The following CBX5 variants were observed in gnomAD, a reference collection of about 807,000 sequenced individuals.
CBX5 encodes the protein chromobox 5, also known as chromobox protein homolog 5.
Under a neutral mutation model 20.7 loss-of-function variants are expected in CBX5, and 7 were observed. The ratio of observed to expected loss-of-function variants is 0.34; its 90% CI spans 0.19 to 0.63. The LOEUF is 0.63. CBX5 is among the 30% of genes least tolerant of loss of function. CBX5 has a pLI of 0.75. For synonymous variants in CBX5, 78 were observed against 77.0 expected, an observed-to-expected ratio of 1.01 and a Z score of -0.07; for missense variants, 110 against 224.1, an observed-to-expected ratio of 0.49 and a Z score of 3.25.
At chr12:54,262,677 G>A (rs1592161555) in intron 1 of CBX5, 1 of 152,680 alleles carries the variant, frequency 6.5e-6, no homozygotes, top group African/African-American at 2.4e-5. Context: ...TTCTCTTTTA[G>A]ACAGTGTGAC....
intron 1 of CBX5, among the ~76,000 whole-genome samples, chr12:54,269,284 G>A (rs116338672): frequency 0.018 from 2,752 of 152,170 alleles, 85 homozygotes; most frequent in African/African-American, 0.063. Flanking sequence ...ATAAATAACT[G>A]TTTTAAGCGT....
chr12:54,245,936 C>T (rs192848128), intron 4 of CBX5, among the ~76,000 whole-genome samples, 179 bp downstream of exon 4: 1 of 152,174 alleles, frequency 6.6e-6, no homozygotes, highest in Non-Finnish European at 1.5e-5. Context: ...TGAGTGAGAT[C>T]GCACCACTGT....
intron 3 of CBX5, 114 bp downstream of exon 3, chr12:54,251,927 T>C: frequency 1.1e-6 from 1 of 878,144 alleles, no homozygotes; most frequent in Non-Finnish European, 1.6e-6. Flanking sequence ...TTCAACAATT[T>C]ACCTTATAGG....
In CBX5 at chr12:54,239,855, G is replaced by A. The variant is rs998588869; in HGVS notation, c.*1900C>T. On this transcript the variant is annotated 3_prime_UTR_variant, in exon 5 of 5. Transcript: ENST00000209875. ...TTGACATAATTTATATAAGCACACA[G>A]AATTCAATCAGCAGCTGAGCAGGGA... 6 of 152,198 alleles carry A rather than the reference G, an allele frequency of 3.9e-5. No homozygotes were observed. The highest frequency in any genetic ancestry group is 5.9e-5 in the Non-Finnish European group (4 of 68,038). 9.4% of individuals were successfully genotyped at this position (152,198 alleles called of 1,614,324 possible).
At chr12:54,276,211 A>G (rs1290933103) in intron 1 of CBX5, among the ~76,000 whole-genome samples, 1 of 152,168 alleles carries the variant, frequency 6.6e-6, no homozygotes, top group Admixed American at 6.6e-5. Context: ...CTGTTTACAT[A>G]GATACTCCTT....
At chr12:54,253,661 G>A (rs1268428155) in intron 2 of CBX5, among the ~76,000 whole-genome samples, 2 of 144,046 alleles carry the variant, frequency 1.4e-5, no homozygotes, top group Non-Finnish European at 3.0e-5. Flanking sequence ...CCAGAAGGTT[G>A]AGGCTGCAGT....
At chr12:54,242,473 T>C (rs1943687551) in intron 4 of CBX5, among the ~76,000 whole-genome samples, 1 of 141,226 alleles carries the variant, frequency 7.1e-6, no homozygotes, top group Non-Finnish European at 1.5e-5. Flanking sequence ...TGCAGTGAGC[T>C]GAGATCGCGC....
At chr12:54,249,799 C>A (rs535575531) in intron 3 of CBX5, among the ~76,000 whole-genome samples, 37 of 152,196 alleles carry the variant, frequency 2.4e-4, no homozygotes, top group African/African-American at 8.2e-4. Context: ...GCAACTAAAT[C>A]AAACCAAAAT....
At chr12:54,266,657 A>T (rs1370221711) in intron 1 of CBX5, among the ~76,000 whole-genome samples, 1 of 152,198 alleles carries the variant, frequency 6.6e-6, no homozygotes, top group Non-Finnish European at 1.5e-5. Flanking sequence ...CTGATTACCA[A>T]TATATTACAA....
chr12:54,278,771 C>T (rs976084071), intron 1 of CBX5: 1 of 152,158 alleles, frequency 6.6e-6, no homozygotes, highest in Non-Finnish European at 1.5e-5. Flanking sequence ...ATCTTCTGTC[C>T]CCAGAACCCT....
At chr12:54,271,049 C>A (rs1944004511) in intron 1 of CBX5, among the ~76,000 whole-genome samples, 1 of 152,138 alleles carries the variant, frequency 6.6e-6, no homozygotes, top group Admixed American at 6.5e-5. Flanking sequence ...GAACAAGACC[C>A]CGTTTAAATT....
At chr12:54,257,340 C>T (rs1303826815) in intron 2 of CBX5, among the ~76,000 whole-genome samples, 174 bp downstream of exon 2, 3 of 152,158 alleles carry the variant, frequency 2.0e-5, no homozygotes, top group South Asian at 2.1e-4. Context: ...ATCATTAGAA[C>T]GTAAGCTCCA....
At chr12:54,270,212 C>T (rs1053608416) in intron 1 of CBX5, among the ~76,000 whole-genome samples, 1 of 152,096 alleles carries the variant, frequency 6.6e-6, no homozygotes, top group African/African-American at 2.4e-5. Context: ...CTGTCAGTGA[C>T]CTGCTTTTGT....
intron 3 of CBX5, among the ~76,000 whole-genome samples, chr12:54,246,459 G>A (rs1943736796): frequency 6.6e-6 from 1 of 152,076 alleles, no homozygotes; most frequent in African/African-American, 2.4e-5. Context: ...GACTGGTGGT[G>A]AACCCTAAAA....
chr12:54,244,307 C>T (rs1367787675), intron 4 of CBX5, among the ~76,000 whole-genome samples: 4 of 151,752 alleles, frequency 2.6e-5, no homozygotes, highest in African/African-American at 7.3e-5. Flanking sequence ...CCACCACGCC[C>T]GGCCTTGATT....
At position 54,231,113 on chromosome 12, in the gene CBX5, C is replaced by A. The variant is rs895462362; in HGVS notation, c.*10642G>T. 2.0e-5 allele frequency: 3 copies of A among 152,020 alleles called. No homozygotes were observed. Among genetic ancestry groups the A allele is most frequent in the African/African-American group, 4.8e-5 (2 of 41,368 alleles). 9.4% of individuals were successfully genotyped at this position (152,020 alleles called of 1,614,324 possible). A position where few individuals can be genotyped will look rare whatever the true frequency, so the allele number is the denominator to read the frequency against. On this transcript the variant is annotated 3_prime_UTR_variant, in exon 5 of 5. Transcript: ENST00000209875. ...TTTAAAAGGTGAACATATATATAGA[C>A]CACTTATACTTTAAAAAAAAAATCA... is the stretch of plus-strand genomic sequence containing the variant.
At position 54,233,613 on chromosome 12, in the gene CBX5, T is replaced by C. The variant is rs541314096; in HGVS notation, c.*8142A>G. On this transcript the variant is annotated 3_prime_UTR_variant, in exon 5 of 5. Transcript: ENST00000209875. ...CCACATACAACAGAAACTCAAAAGA[T>C]GATTTATCAACACATACAGTAAAAT... 10 of 152,286 alleles carry C rather than the reference T, an allele frequency of 6.6e-5. No homozygotes were observed. The East Asian group carries it at 1.9e-3, about 29-fold the overall frequency. The allele number at this position is 152,286 out of a possible 1,614,324, so 9.4% of individuals were successfully genotyped here. A position where few individuals can be genotyped will look rare whatever the true frequency, so the allele number is the denominator to read the frequency against.
rs928682967 is a variant in CBX5, at chr12:54,234,153, T to C, written c.*7602A>G. On this transcript the variant is annotated 3_prime_UTR_variant, in exon 5 of 5. Transcript: ENST00000209875. Reference sequence around the variant, plus strand: ...AAGATCACGCCACTGCACTCCAGCCTGGGCAAAAGAGCAAGTTTCCATCTC... The same window carrying C: ...AAGATCACGCCACTGCACTCCAGCCCGGGCAAAAGAGCAAGTTTCCATCTC... 1 of 110,458 alleles carries C rather than the reference T, an allele frequency of 9.1e-6. No homozygotes were observed. The highest frequency in any genetic ancestry group is 3.6e-5 in the African/African-American group (1 of 27,618). 6.8% of individuals were successfully genotyped at this position (110,458 alleles called of 1,614,324 possible). A position where few individuals can be genotyped will look rare whatever the true frequency, so the allele number is the denominator to read the frequency against.
intron 1 of CBX5, among the ~76,000 whole-genome samples, chr12:54,277,611 T>C (rs1944082598): frequency 6.6e-6 from 1 of 152,188 alleles, no homozygotes; most frequent in Admixed American, 6.5e-5. Flanking sequence ...GTGCTGGGAT[T>C]ACAGACATGA....
Sources: gnomAD v4.1 joint callset for allele counts (sites outside exome capture counted in the v4.1 genomes callset) on GRCh38, gnomAD v4.1.1 for gene constraint, MANE v1.5 for transcripts, NCBI Gene and HGNC (gene_info 2026-07-23, HGNC 2026-07-21) for gene names.